Variants in CHCHD6 observed in about 807,000 individuals in gnomAD.
The protein encoded by CHCHD6 is coiled-coil-helix-coiled-coil-helix domain containing 6.
CHCHD6 carries 28 observed loss-of-function variants against 32.3 expected under a neutral mutation model. The observed-to-expected ratio is 0.87, with a 90% CI of 0.64 to 1.19. The LOEUF (loss-of-function observed/expected upper bound fraction) is 1.19. Ranked by LOEUF, CHCHD6 falls within the 50% of genes most tolerant of loss-of-function variation. The probability of loss-of-function intolerance (pLI) is 0.00; values close to 1 mark genes in which losing one functional copy is unlikely to be tolerated. For missense variants in CHCHD6, 333 were observed against 307.0 expected (o/e 1.08, Z -0.63); for synonymous variants, 122 against 117.5 (o/e 1.04, Z -0.25).
At chr3:126,705,603 C>G (rs1934447652) in intron 1 of CHCHD6, among the ~76,000 whole-genome samples, 1 of 152,114 alleles carries the variant, frequency 6.6e-6, no homozygotes, top group Non-Finnish European at 1.5e-5. Context: ...CCACCTGTGT[C>G]TACACCTGCA....
intron 5 of CHCHD6, among the ~76,000 whole-genome samples, chr3:126,888,480 A>G (rs1419509618): frequency 6.6e-6 from 1 of 152,148 alleles, no homozygotes; most frequent in Non-Finnish European, 1.5e-5. Flanking sequence ...ACAGCCACCA[A>G]GCCACTCACT....
intron 7 of CHCHD6, among the ~76,000 whole-genome samples, chr3:126,959,863 T>C (rs2078835135): frequency 6.6e-6 from 1 of 152,184 alleles, no homozygotes. Context: ...GACTCTTCTA[T>C]ATCCAGGGTG....
intron 5 of CHCHD6, among the ~76,000 whole-genome samples, chr3:126,859,973 C>A (rs1941800945): frequency 6.6e-6 from 1 of 152,002 alleles, no homozygotes; most frequent in Admixed American, 6.6e-5. Flanking sequence ...GTTCAGGTTC[C>A]CCAGCACTGG....
intron 6 of CHCHD6, among the ~76,000 whole-genome samples, chr3:126,923,793 G>A (rs756602589): frequency 2.0e-5 from 3 of 152,236 alleles, no homozygotes; most frequent in Non-Finnish European, 2.9e-5. Context: ...CACGTAGTAA[G>A]CACTCGATGC....
intron 6 of CHCHD6, among the ~76,000 whole-genome samples, chr3:126,929,054 C>T (rs553669465): frequency 3.9e-5 from 6 of 152,190 alleles, no homozygotes; most frequent in Non-Finnish European, 8.8e-5. Context: ...TAGTTCTGCC[C>T]CCTGAGGCTT....
intron 1 of CHCHD6, among the ~76,000 whole-genome samples, chr3:126,705,456 C>T (rs1934439959): frequency 6.6e-6 from 1 of 152,176 alleles, no homozygotes; most frequent in Non-Finnish European, 1.5e-5. Context: ...CCCTATTTAG[C>T]CCATTATTGT....
chr3:126,840,742 T>G (rs1405642399), intron 4 of CHCHD6, among the ~76,000 whole-genome samples: 1 of 152,190 alleles, frequency 6.6e-6, no homozygotes, highest in Non-Finnish European at 1.5e-5. Flanking sequence ...AATTATAGTG[T>G]ACCAGATATT....
At chr3:126,924,116 G>A (rs938699838) in intron 6 of CHCHD6, among the ~76,000 whole-genome samples, 4 of 152,192 alleles carry the variant, frequency 2.6e-5, no homozygotes, top group Admixed American at 1.3e-4. Flanking sequence ...AGCTCCAGAC[G>A]ACAGCTACGG....
intron 4 of CHCHD6, among the ~76,000 whole-genome samples, chr3:126,759,312 C>T (rs2107671563): frequency 6.6e-6 from 1 of 152,338 alleles, no homozygotes; most frequent in East Asian, 1.9e-4. Flanking sequence ...CCTGAATATG[C>T]ATCTCATCTC....
chr3:126,761,935 A>G (rs75987615), intron 4 of CHCHD6, among the ~76,000 whole-genome samples: 1 of 152,150 alleles, frequency 6.6e-6, no homozygotes, highest in Non-Finnish European at 1.5e-5. Context: ...ATTTGTTGGC[A>G]TATATTTGTT....
At chr3:126,863,916 CACCA>C (rs1942105965) in intron 5 of CHCHD6, among the ~76,000 whole-genome samples, 1 of 145,564 alleles carries the variant, frequency 6.9e-6, no homozygotes, top group Non-Finnish European at 1.5e-5. Context: ...CCTCCTCCTC[CACCA>C]TCGACACCTC....
chr3:126,835,402 T>C (rs557831214), intron 4 of CHCHD6, among the ~76,000 whole-genome samples: 17 of 152,264 alleles, frequency 1.1e-4, no homozygotes, highest in African/African-American at 2.6e-4. Flanking sequence ...CTGACTCCCT[T>C]AACCTCACGG....
intron 4 of CHCHD6, among the ~76,000 whole-genome samples, chr3:126,737,390 G>GTGTATATATATATATATA (rs755051777): frequency 3.0e-5 from 4 of 132,618 alleles, no homozygotes; most frequent in African/African-American, 1.1e-4. Flanking sequence ...TGATGTGTGA[G>GTGTATATATATATATATA]TATATATATA....
chr3:126,772,228 A>T (rs962258419), intron 4 of CHCHD6, among the ~76,000 whole-genome samples: 1 of 152,038 alleles, frequency 6.6e-6, no homozygotes, highest in African/African-American at 2.4e-5. Flanking sequence ...CAGCCTCCCG[A>T]GTAGCTGGGA....
chr3:126,917,223 T>G (rs1279907345), intron 6 of CHCHD6, among the ~76,000 whole-genome samples: 1 of 152,212 alleles, frequency 6.6e-6, no homozygotes, highest in Non-Finnish European at 1.5e-5. Context: ...CTGCAAGGCG[T>G]TTCAACTCCA....
At chr3:126,745,815 C>T (rs1158789500) in intron 4 of CHCHD6, among the ~76,000 whole-genome samples, 3 of 152,216 alleles carry the variant, frequency 2.0e-5, no homozygotes, top group Non-Finnish European at 4.4e-5. Flanking sequence ...CTATTCAGGG[C>T]TGCTGTCTCT....
chr3:126,782,420 C>A (rs1277434724), intron 4 of CHCHD6, among the ~76,000 whole-genome samples: 6 of 152,234 alleles, frequency 3.9e-5, no homozygotes, highest in South Asian at 2.1e-4. Context: ...AAGGCCCAGG[C>A]CGATGTCATA....
intron 4 of CHCHD6, among the ~76,000 whole-genome samples, chr3:126,831,357 C>T (rs1940634730): frequency 6.6e-6 from 1 of 152,158 alleles, no homozygotes; most frequent in South Asian, 2.1e-4. Flanking sequence ...CGTGCTGCCT[C>T]CTCTCCAGGC....
At chr3:126,859,345 G>A (rs1941773759) in intron 5 of CHCHD6, among the ~76,000 whole-genome samples, 2 of 152,194 alleles carry the variant, frequency 1.3e-5, no homozygotes, top group South Asian at 4.1e-4. Flanking sequence ...ATGTGAGAAG[G>A]GAGGCCACAG....
Sources: allele counts gnomAD v4.1 joint callset (sites outside exome capture counted in the v4.1 genomes callset), GRCh38; gene constraint gnomAD v4.1.1; transcripts MANE v1.5; gene names NCBI Gene and HGNC (gene_info 2026-07-23, HGNC 2026-07-21).